The following GDAP2 variants were observed in gnomAD, a reference collection of about 807,000 sequenced individuals.
The protein encoded by GDAP2 is ganglioside-induced differentiation-associated protein 2.
Under a neutral mutation model 67.0 loss-of-function variants are expected in GDAP2, and 51 were observed. The observed-to-expected ratio is 0.76, with a 90% CI of 0.61 to 0.96. The LOEUF (loss-of-function observed/expected upper bound fraction) is 0.96. Among genes scored for constraint, GDAP2 ranks in the 40% least tolerant of loss-of-function variants. The pLI, the probability that GDAP2 is intolerant of heterozygous loss-of-function variation, is 0.00. For missense variants in GDAP2, 547 were observed against 588.3 expected (o/e 0.93, Z 0.73); for synonymous variants, 203 against 207.3 (o/e 0.98, Z 0.18).
In GDAP2 at chr1:117,870,125, C is replaced by T; in HGVS notation, c.*444G>A. The T allele has an allele frequency of 6.2e-6, 1 of 162,496 alleles. No individual in the cohort carries two copies. The highest frequency in any genetic ancestry group is 1.3e-5 in the Non-Finnish European group (1 of 75,058). 10.1% of individuals were successfully genotyped at this position (162,496 alleles called of 1,614,324 possible). ...CTTTATAAAATATACATGGTATTAA[C>T]ACCATGGATCTGAAGCAAACAATGC... is the stretch of plus-strand genomic sequence containing the variant. On this transcript the variant is annotated 3_prime_UTR_variant, in exon 14 of 14. Coordinates refer to ENST00000369443, the MANE Select transcript of GDAP2 (RefSeq NM_017686.4).
intron 1 of GDAP2, among the ~76,000 whole-genome samples, chr1:117,920,667 T>A (rs1650219245): frequency 6.6e-6 from 1 of 150,814 alleles, no homozygotes; most frequent in African/African-American, 2.4e-5. Context: ...ATTAAAATAA[T>A]CACAGGCCCA....
chr1:117,913,647 C>A (rs1649940835), intron 3 of GDAP2: 1 of 152,152 alleles, frequency 6.6e-6, no homozygotes, highest in Non-Finnish European at 1.5e-5. Flanking sequence ...CCTAAAGGAC[C>A]TACAGATAAC....
At chr1:117,903,978 T>C (rs1435358030) in intron 6 of GDAP2, among the ~76,000 whole-genome samples, 1 of 151,894 alleles carries the variant, frequency 6.6e-6, no homozygotes, top group Non-Finnish European at 1.5e-5. Flanking sequence ...TCTATGAGTT[T>C]ATGATTTTTT....
At chr1:117,878,173 A>C in intron 12 of GDAP2, 21 bp from the exon 13 acceptor site, 1 of 1,368,798 alleles carries the variant, frequency 7.3e-7, no homozygotes, top group East Asian at 2.4e-5. Flanking sequence ...GAAGAGAAAA[A>C]ATAATTTAAG....
At chr1:117,928,355 T>C (rs1390370391) in intron 1 of GDAP2, among the ~76,000 whole-genome samples, 1 of 152,224 alleles carries the variant, frequency 6.6e-6, no homozygotes, top group Non-Finnish European at 1.5e-5. Context: ...GAATTAGTTA[T>C]TCCAAGGGGT....
At position 117,870,572 on chromosome 1, in the gene GDAP2, CA is replaced by C; in HGVS notation, c.1490del (p.Leu497CysfsTer20). The C allele has an allele frequency of 6.2e-7, 1 of 1,600,514 alleles. No homozygotes were observed. Among genetic ancestry groups the C allele is most frequent in the Non-Finnish European group, 8.6e-7 (1 of 1,167,944 alleles). On this transcript the variant is annotated frameshift_variant, in exon 14 of 14. Coordinates refer to ENST00000369443, the MANE Select transcript of GDAP2 (RefSeq NM_017686.4). LOFTEE classifies it high-confidence loss of function. ...AGAAGCACTGAAAGATGGCAGGTCACAAATCTGGTGATGGGGGATATGATGT... is the reference window on the plus strand; with the variant it reads ...AGAAGCACTGAAAGATGGCAGGTCACAATCTGGTGATGGGGGATATGATGT... ...YYTSYPPSPD[L>X]
intron 12 of GDAP2, among the ~76,000 whole-genome samples, chr1:117,880,357 G>A (rs1214260804): frequency 6.6e-6 from 1 of 152,180 alleles, no homozygotes; most frequent in African/African-American, 2.4e-5. Context: ...AACAGAGAGA[G>A]AGAAAAGTGT....
chr1:117,896,088 C>A (rs1649251104), intron 8 of GDAP2, among the ~76,000 whole-genome samples: 1 of 152,178 alleles, frequency 6.6e-6, no homozygotes, highest in Non-Finnish European at 1.5e-5. Context: ...CTCAGTACAG[C>A]AGTGAACAAT....
chr1:117,914,046 C>T (rs1649960725), intron 3 of GDAP2, among the ~76,000 whole-genome samples: 1 of 152,174 alleles, frequency 6.6e-6, no homozygotes, highest in Non-Finnish European at 1.5e-5. Flanking sequence ...TTCTGTTCTT[C>T]CTAAGCCATT....
intron 12 of GDAP2, among the ~76,000 whole-genome samples, chr1:117,880,080 G>A (rs971849301): frequency 6.6e-6 from 1 of 152,110 alleles, no homozygotes; most frequent in African/African-American, 2.4e-5. Flanking sequence ...AGCTATTCTG[G>A]AGGCCAAGGT....
intron 12 of GDAP2, among the ~76,000 whole-genome samples, chr1:117,879,693 G>A (rs891209504): frequency 3.3e-5 from 5 of 152,140 alleles, no homozygotes; most frequent in African/African-American, 1.2e-4. Context: ...TTGATAACTG[G>A]TAGAGCTGGG....
In GDAP2 at chr1:117,897,106, T is replaced by C. The variant is rs1302868803; in HGVS notation, c.797-117A>G. The C allele has an allele frequency of 4.9e-6, 3 of 616,334 alleles. No homozygotes were observed. The East Asian group carries it at 8.5e-5, about 18-fold the overall frequency. 38.2% of individuals were successfully genotyped at this position (616,334 alleles called of 1,614,324 possible). The stretch of plus-strand genomic sequence containing the variant: ...ACTCAAAAAACTGGGGTCAAGGTTA[T>C]TTTTGAGAATGAAACTGTAATCAGA... On this transcript the variant is annotated intron_variant, in intron 7 of 13. Coordinates refer to ENST00000369443, the MANE Select transcript of GDAP2 (RefSeq NM_017686.4).
Position 117,863,559 on chromosome 1 carries a change from T to A in GDAP2, c.*7010A>T. ...AATGAAATCTGTATTTCACATCAATTTGAAATCAGCACATCATACAATTTT... is the reference window on the plus strand; with the variant it reads ...AATGAAATCTGTATTTCACATCAATATGAAATCAGCACATCATACAATTTT... On this transcript the variant is annotated 3_prime_UTR_variant, in exon 14 of 14. Coordinates refer to ENST00000369443, the MANE Select transcript of GDAP2 (RefSeq NM_017686.4). 6.6e-6 allele frequency: 1 copy of A among 152,196 alleles called. No individual in the cohort carries two copies. The highest frequency in any genetic ancestry group is 1.9e-4 in the East Asian group (1 of 5,208). The allele number at this position is 152,196 out of a possible 1,614,324, so 9.4% of individuals were successfully genotyped here. A position where few individuals can be genotyped will look rare whatever the true frequency, so the allele number is the denominator to read the frequency against.
At chr1:117,873,810 G>A (rs1402469621) in intron 13 of GDAP2, among the ~76,000 whole-genome samples, 1 of 152,056 alleles carries the variant, frequency 6.6e-6, no homozygotes, top group Non-Finnish European at 1.5e-5. Context: ...ACCAAATGCT[G>A]TGAATTTTAT....
intron 5 of GDAP2, among the ~76,000 whole-genome samples, chr1:117,909,238 T>C (rs1368428778): frequency 6.6e-6 from 1 of 152,230 alleles, no homozygotes; most frequent in African/African-American, 2.4e-5. Context: ...AACACCTTCA[T>C]CTTATTTCTC....
chr1:117,915,297 A>G (rs1218923509), intron 3 of GDAP2, among the ~76,000 whole-genome samples: 1 of 152,244 alleles, frequency 6.6e-6, no homozygotes, highest in Non-Finnish European at 1.5e-5. Flanking sequence ...AGAAGGAGGA[A>G]TACTGTGAAA....
At chr1:117,909,891 G>A (rs1477565004) in intron 5 of GDAP2, among the ~76,000 whole-genome samples, 1 of 151,986 alleles carries the variant, frequency 6.6e-6, no homozygotes, top group Non-Finnish European at 1.5e-5. Context: ...CCCCTATTCA[G>A]AACCTTTTCT....
chr1:117,899,104 AC>A lies in GDAP2; in HGVS notation c.748del (p.Val250TyrfsTer8). On this transcript the variant is annotated frameshift_variant, in exon 7 of 14. Coordinates refer to ENST00000369443, the MANE Select transcript of GDAP2 (RefSeq NM_017686.4). LOFTEE classifies it high-confidence loss of function. ...DIGNAEGEPVVPERQIRISEK... is the reference protein window; with the variant it reads ...DIGNAEGEPVXPERQIRISEK... ...ACTTATTCTAATCTGTCGTTCAGGT[AC>A]CACAGGCTCCCCTTCTGCATTTCCA... The A allele has an allele frequency of 6.2e-7, 1 of 1,613,322 alleles. No homozygotes were observed. Among genetic ancestry groups the A allele is most frequent in the Non-Finnish European group, 8.5e-7 (1 of 1,179,270 alleles).
Position 117,886,557 on chromosome 1 carries a change from A to G in GDAP2, c.1107+20T>C. 7.9e-7 allele frequency: 1 copy of G among 1,266,760 alleles called. No homozygotes were observed. Among genetic ancestry groups the G allele is most frequent in the African/African-American group, 1.5e-5 (1 of 68,414 alleles). 78.5% of individuals were successfully genotyped at this position (1,266,760 alleles called of 1,614,324 possible). On this transcript the variant is annotated intron_variant, in intron 10 of 13. Coordinates refer to ENST00000369443, the MANE Select transcript of GDAP2 (RefSeq NM_017686.4). ...TTTCAATCAACATTGTTTGTAAAAC[A>G]GAGCCTTTTTATGGCTTACCTTGTC...
Sources: gnomAD v4.1 joint callset for allele counts (sites outside exome capture counted in the v4.1 genomes callset) on GRCh38, gnomAD v4.1.1 for gene constraint, MANE v1.5 for transcripts, NCBI Gene and HGNC (gene_info 2026-07-23, HGNC 2026-07-21) for gene names.